The following KCNC2 variants were observed in gnomAD, a reference collection of about 807,000 sequenced individuals.
The protein encoded by KCNC2 is voltage-gated potassium channel KCNC2.
KCNC2 carries 21 observed loss-of-function variants against 44.5 expected under a neutral mutation model. The observed-to-expected ratio is 0.47, with a 90% CI of 0.33 to 0.68. KCNC2 has a LOEUF of 0.68. Among genes scored for constraint, KCNC2 ranks in the 30% least tolerant of loss-of-function variants. The pLI, the probability that KCNC2 is intolerant of heterozygous loss-of-function variation, is 0.01. For synonymous variants in KCNC2, 391 were observed against 339.1 expected (o/e 1.15, Z -1.68); for missense variants, 589 against 826.2 (o/e 0.71, Z 3.52).
intron 2 of KCNC2, among the ~76,000 whole-genome samples, chr12:75,175,196 T>C (rs1484054573): frequency 1.3e-5 from 2 of 151,918 alleles, no homozygotes; most frequent in African/African-American, 2.4e-5. Flanking sequence ...AGGATTAGAA[T>C]GAGGTGAGAG....
intron 2 of KCNC2, among the ~76,000 whole-genome samples, chr12:75,178,447 G>A (rs1489667870): frequency 6.6e-6 from 1 of 151,986 alleles, no homozygotes. Flanking sequence ...AGTCACTATT[G>A]ATGCTGAAGG....
At chr12:75,068,261 G>A (rs1473135394) in intron 2 of KCNC2, among the ~76,000 whole-genome samples, 2 of 152,126 alleles carry the variant, frequency 1.3e-5, no homozygotes, top group African/African-American at 4.8e-5. Flanking sequence ...GGTATCCAAG[G>A]GCTATTTTAA....
At chr12:75,108,458 C>G (rs113299073) in intron 2 of KCNC2, among the ~76,000 whole-genome samples, 2,642 of 152,274 alleles carry the variant, frequency 0.017, 33 homozygotes, top group Non-Finnish European at 0.026. Context: ...GAAGACCCTG[C>G]CATTTTTCTC....
At chr12:75,043,594 T>C in intron 4 of KCNC2, 3 of 1,238,356 alleles carry the variant, frequency 2.4e-6, no homozygotes, top group Non-Finnish European at 3.1e-6. Flanking sequence ...ATTTTTAAAT[T>C]TCAGAATGTA....
At chr12:75,179,222 A>G (rs559684123) in intron 2 of KCNC2, among the ~76,000 whole-genome samples, 1 of 152,164 alleles carries the variant, frequency 6.6e-6, no homozygotes, top group East Asian at 1.9e-4. Flanking sequence ...TCTGCAGGAA[A>G]TGATACAGTA....
intron 4 of KCNC2, among the ~76,000 whole-genome samples, chr12:75,044,121 AT>A (rs1405470959): frequency 6.6e-6 from 1 of 151,968 alleles, no homozygotes; most frequent in African/African-American, 2.4e-5. Flanking sequence ...ATATTTGCAT[AT>A]TTTAGTATTT....
chr12:75,049,187 A>G (rs1592756111), intron 3 of KCNC2, among the ~76,000 whole-genome samples: 1 of 152,096 alleles, frequency 6.6e-6, no homozygotes, highest in African/African-American at 2.4e-5. Flanking sequence ...AAACTTACAA[A>G]CACTTACAAA....
At chr12:75,113,314 A>G (rs925870456) in intron 2 of KCNC2, among the ~76,000 whole-genome samples, 7 of 152,214 alleles carry the variant, frequency 4.6e-5, no homozygotes, top group African/African-American at 1.7e-4. Flanking sequence ...AAGTTTCATA[A>G]TAAAAGACCT....
intron 2 of KCNC2, among the ~76,000 whole-genome samples, chr12:75,174,951 C>T (rs1156655806): frequency 1.3e-5 from 2 of 151,958 alleles, no homozygotes; most frequent in African/African-American, 4.8e-5. Context: ...AAGAATTCCT[C>T]CAAGCTGGTG....
chr12:75,086,675 A>ATATATAT (rs1482026052), intron 2 of KCNC2, among the ~76,000 whole-genome samples: 10 of 76,722 alleles, frequency 1.3e-4, no homozygotes, highest in African/African-American at 7.8e-4. Context: ...AAAAAAAAAA[A>ATATATAT]AAAAAAATAT....
intron 2 of KCNC2, among the ~76,000 whole-genome samples, chr12:75,112,130 T>G (rs2137242241): frequency 6.6e-6 from 1 of 152,058 alleles, no homozygotes; most frequent in African/African-American, 2.4e-5. Flanking sequence ...TATCTATCAC[T>G]TTATATAATG....
At chr12:75,105,279 G>A (rs1373041606) in intron 2 of KCNC2, among the ~76,000 whole-genome samples, 1 of 151,844 alleles carries the variant, frequency 6.6e-6, no homozygotes, top group Non-Finnish European at 1.5e-5. Context: ...AACAGCAAGT[G>A]TAATGAAAAA....
intron 2 of KCNC2, among the ~76,000 whole-genome samples, chr12:75,081,408 A>ATT (rs34651267): frequency 1.7e-4 from 22 of 130,484 alleles, no homozygotes; most frequent in African/African-American, 5.3e-4. Flanking sequence ...TTAAACATTC[A>ATT]TTTTTTTTTT....
intron 2 of KCNC2, among the ~76,000 whole-genome samples, chr12:75,202,432 A>C (rs918425226): frequency 3.7e-4 from 56 of 151,868 alleles, no homozygotes; most frequent in African/African-American, 1.3e-3. Context: ...TTTGACCCTG[A>C]AAAGGTCAAA....
At chr12:75,099,928 A>G (rs1886240608) in intron 2 of KCNC2, among the ~76,000 whole-genome samples, 1 of 152,132 alleles carries the variant, frequency 6.6e-6, no homozygotes, top group Non-Finnish European at 1.5e-5. Context: ...TTTTGCACGT[A>G]AAAATCAAAC....
At chr12:75,137,193 A>T (rs899534120) in intron 2 of KCNC2, among the ~76,000 whole-genome samples, 6 of 152,082 alleles carry the variant, frequency 3.9e-5, no homozygotes. Context: ...TTGACATTTA[A>T]GTATGCATCA....
At chr12:75,109,781 G>T (rs1048401219) in intron 2 of KCNC2, among the ~76,000 whole-genome samples, 2 of 152,014 alleles carry the variant, frequency 1.3e-5, no homozygotes, top group Non-Finnish European at 2.9e-5. Context: ...AGAAGACCCA[G>T]AACTGAAGGC....
chr12:75,048,004 T>C (rs1880723464), intron 4 of KCNC2, 149 bp downstream of exon 4: 1 of 665,698 alleles, frequency 1.5e-6, no homozygotes, highest in Non-Finnish European at 2.6e-6. Flanking sequence ...AACAAGTTTC[T>C]AAGGAGAGAA....
intron 2 of KCNC2, among the ~76,000 whole-genome samples, chr12:75,203,228 G>GT (rs2031431987): frequency 6.6e-6 from 1 of 151,584 alleles, no homozygotes; most frequent in Non-Finnish European, 1.5e-5. Context: ...TGTTTATTTA[G>GT]ATCATGTCTT....
Sources: gnomAD v4.1 joint callset for allele counts (sites outside exome capture counted in the v4.1 genomes callset) on GRCh38, gnomAD v4.1.1 for gene constraint, MANE v1.5 for transcripts, NCBI Gene and HGNC (gene_info 2026-07-23, HGNC 2026-07-21) for gene names.